The following ZNF211 variants were observed in gnomAD, a reference collection of about 807,000 sequenced individuals.
ZNF211 encodes zinc finger protein 211.
Under a neutral mutation model 12.1 loss-of-function variants are expected in ZNF211, and 18 were observed. The observed-to-expected ratio is 1.48, with a 90% confidence interval of 1.03 to 2.20. The LOEUF (loss-of-function observed/expected upper bound fraction) is 2.20, where lower values mean the gene tolerates loss of function less well. Among genes scored for constraint, ZNF211 ranks in the 30% most tolerant of loss-of-function variants. The probability of loss-of-function intolerance (pLI) is 0.00; values close to 1 mark genes in which losing one functional copy is unlikely to be tolerated. For synonymous variants in ZNF211, 249 were observed against 246.0 expected (o/e 1.01, Z -0.11); for missense variants, 677 against 703.1 (o/e 0.96, Z 0.42).
Position 57,641,493 on chromosome 19 carries a change from C to G in ZNF211, c.1046C>G (p.Thr349Ser). ...YSLNSHRKVH[T>S]GERPYECGEC... ...CTCAATAGCCATAGGAAAGTTCACA[C>G]TGGAGAAAGGCCTTATGAATGTGGG... The change falls in exon 4 of 4, where the codon ACT becomes AGT. Residue 349 changes from threonine (T) to serine (S), a missense_variant. Physicochemically the swap from Thr to Ser is moderately conservative, Grantham distance 58. Coordinates refer to ENST00000240731, the MANE Select transcript of ZNF211 (RefSeq NM_006385.5). 1 of 1,614,142 alleles carries G rather than the reference C, an allele frequency of 6.2e-7. No individual in the cohort carries two copies. Among genetic ancestry groups the G allele is most frequent in the South Asian group, 1.1e-5 (1 of 91,078 alleles).
chr19:57,636,734 A>G (rs1254381845), intron 3 of ZNF211, among the ~76,000 whole-genome samples: 1 of 152,066 alleles, frequency 6.6e-6, no homozygotes, highest in Non-Finnish European at 1.5e-5. Context: ...GGATTTTTTT[A>G]TTTCTGCAAA....
rs777707976 is a variant in ZNF211, at chr19:57,637,895, C to CT, written c.257-2791dup. Among the ~76,000 whole-genome samples, 916 of 131,588 alleles carry CT rather than the reference C, an allele frequency of 7.0e-3. 6 individuals are homozygous for CT. The highest frequency in any genetic ancestry group is 0.018 in the South Asian group (75 of 4,084). 86.3% of individuals were successfully genotyped at this position (131,588 alleles called of 152,430 possible). On this transcript the variant is annotated intron_variant, in intron 3 of 3. Transcript: ENST00000240731. ...TCAAGGGCTTTTCTTTAAGGTTTGT[C>CT]TTTTTTTTTTTTTTTTTTCTTGAGA... is the stretch of plus-strand genomic sequence containing the variant.
chr19:57,639,977 C>T, intron 3 of ZNF211: 1 of 1,535,974 alleles, frequency 6.5e-7, no homozygotes. Context: ...CTCTGTTCTT[C>T]ACAGGATGTT....
intron 3 of ZNF211, among the ~76,000 whole-genome samples, chr19:57,636,639 G>A (rs548895185): frequency 4.9e-4 from 74 of 152,286 alleles, no homozygotes; most frequent in African/African-American, 1.7e-3. Flanking sequence ...TTGAAATTAC[G>A]AACTGTGAGT....
At chr19:57,638,219 C>T (rs921700804) in intron 3 of ZNF211, among the ~76,000 whole-genome samples, 2 of 151,432 alleles carry the variant, frequency 1.3e-5, no homozygotes, top group African/African-American at 4.9e-5. Flanking sequence ...ATTTTGATAA[C>T]CTTTTCAAAG....
chr19:57,636,307 C>A (rs1196430807), intron 3 of ZNF211, among the ~76,000 whole-genome samples: 1 of 152,146 alleles, frequency 6.6e-6, no homozygotes, highest in Non-Finnish European at 1.5e-5. Context: ...TCCAAGGAAT[C>A]ATTAACAAGT....
chr19:57,639,894 G>A (rs1982657974), intron 3 of ZNF211: 1 of 1,527,812 alleles, frequency 6.5e-7, no homozygotes, highest in African/African-American at 1.4e-5. Context: ...TTGCTCACAT[G>A]TCCTGTCTTT....
chr19:57,641,826 A>C lies in ZNF211; in HGVS notation c.1379A>C (p.His460Pro). The C allele has an allele frequency of 6.2e-7, 1 of 1,614,134 alleles. No homozygotes were observed. Among genetic ancestry groups the C allele is most frequent in the Non-Finnish European group, 8.5e-7 (1 of 1,180,026 alleles). ...AGCTTCAGTTCACATCGGAAAGTCC[A>C]CACAGGGGAAAGGCCTTATGTGTGT... The part of the protein sequence containing the change: ...SSSFSSHRKV[H>P]TGERPYVCGE... The change falls in exon 4 of 4, where the codon CAC becomes CCC. Residue 460 changes from histidine (H) to proline (P), a missense_variant. Physicochemically the swap from His to Pro is moderately conservative, Grantham distance 77. Coordinates refer to ENST00000240731, the MANE Select transcript of ZNF211 (RefSeq NM_006385.5).
intron 1 of ZNF211, 161 bp downstream of exon 1, chr19:57,633,597 A>G (rs748758701): frequency 1.8e-4 from 274 of 1,525,222 alleles, no homozygotes; most frequent in Non-Finnish European, 2.3e-4. Flanking sequence ...GACAAGGGAC[A>G]GGACCGGCGC....
At position 57,633,345 on chromosome 19, in the gene ZNF211, C is replaced by T. The variant is rs370924466; in HGVS notation, c.-2C>T. On this transcript the variant is annotated 5_prime_UTR_variant, in exon 1 of 4. Coordinates refer to ENST00000240731, the MANE Select transcript of ZNF211 (RefSeq NM_006385.5). Reference sequence around the variant, plus strand: ...GCCCGCGAGGCCGGCCTGGGGATAGCGATGCTCGGGTTCCCCCCGGGTCGC... The same window carrying T: ...GCCCGCGAGGCCGGCCTGGGGATAGTGATGCTCGGGTTCCCCCCGGGTCGC... 1.4e-4 allele frequency: 229 copies of T among 1,585,132 alleles called. No individual in the cohort carries two copies. Among genetic ancestry groups the T allele is most frequent in the Non-Finnish European group, 1.8e-4 (211 of 1,169,282 alleles).
rs1012538471 is a variant in ZNF211 at position 57,633,346 on chromosome 19, G to A, written c.-1G>A. ...CCCGCGAGGCCGGCCTGGGGATAGCGATGCTCGGGTTCCCCCCGGGTCGCC... is the reference window on the plus strand; with the variant it reads ...CCCGCGAGGCCGGCCTGGGGATAGCAATGCTCGGGTTCCCCCCGGGTCGCC... On this transcript the variant is annotated 5_prime_UTR_variant, in exon 1 of 4. Coordinates refer to ENST00000240731, the MANE Select transcript of ZNF211 (RefSeq NM_006385.5). 3.2e-6 allele frequency: 5 copies of A among 1,586,772 alleles called. No homozygotes were observed. The African/African-American group carries it at 5.4e-5, about 17-fold the overall frequency.
At chr19:57,638,608 G>A (rs565198188) in intron 3 of ZNF211, among the ~76,000 whole-genome samples, 55 of 152,322 alleles carry the variant, frequency 3.6e-4, no homozygotes, top group Non-Finnish European at 7.1e-4. Context: ...TGTATGATGT[G>A]TGTCTAAATC....
In ZNF211 at chr19:57,640,945, C is replaced by T. The variant is rs760196306; in HGVS notation, c.498C>T (p.His166=). Reference sequence around the variant, plus strand: ...ACATCAGTGCAAATCTTCAACAGCACCAGAGGCAGCACATTACAGAGGCAC... The same window carrying T: ...ACATCAGTGCAAATCTTCAACAGCATCAGAGGCAGCACATTACAGAGGCAC... ...QFYISANLQQ[H]QRQHITEAPF... The change falls in exon 4 of 4, where the codon CAC becomes CAT. Residue 166 remains histidine (H), a synonymous_variant. Coordinates refer to ENST00000240731, the MANE Select transcript of ZNF211 (RefSeq NM_006385.5). 9 of 1,614,198 alleles carry T rather than the reference C, an allele frequency of 5.6e-6. No homozygotes were observed. The highest frequency in any genetic ancestry group is 1.1e-5 in the South Asian group (1 of 91,082).
At chr19:57,638,490 C>G (rs552680186) in intron 3 of ZNF211, among the ~76,000 whole-genome samples, 2 of 152,138 alleles carry the variant, frequency 1.3e-5, no homozygotes, top group African/African-American at 4.8e-5. Context: ...TCTTCATGGC[C>G]CCATTGGTTT....
chr19:57,634,666 C>G lies in ZNF211; in HGVS notation c.167C>G (p.Ser56Cys). The G allele has an allele frequency of 6.2e-7, 1 of 1,603,216 alleles. No individual in the cohort carries two copies. Among genetic ancestry groups the G allele is most frequent in the Non-Finnish European group, 8.5e-7 (1 of 1,173,994 alleles). The part of the protein sequence containing the change: ...VTFEDVAVYF[S>C]WEEWDLLDEA... The stretch of plus-strand genomic sequence containing the variant: ...TTTGAAGATGTGGCCGTGTACTTCT[C>G]CTGGGAGGAATGGGATCTCCTTGAT... The change falls in exon 3 of 4, where the codon TCC becomes TGC. Residue 56 changes from serine (S) to cysteine (C), a missense_variant. By Grantham distance (112) the Ser-to-Cys change is moderately radical. Coordinates refer to ENST00000240731, the MANE Select transcript of ZNF211 (RefSeq NM_006385.5).
At position 57,641,911 on chromosome 19, in the gene ZNF211, C is replaced by G; in HGVS notation, c.1464C>G (p.His488Gln). 6.2e-7 allele frequency: 1 copy of G among 1,614,202 alleles called. No homozygotes were observed. The highest frequency in any genetic ancestry group is 8.5e-7 in the Non-Finnish European group (1 of 1,180,036). The change falls in exon 4 of 4, where the codon CAC becomes CAG. Residue 488 changes from histidine to glutamine, a missense_variant. Coordinates refer to ENST00000240731, the MANE Select transcript of ZNF211 (RefSeq NM_006385.5). ...ACCTTAAGAACCACCAGAGAGTTCA[C>G]ACTGGAGAAAGACCTGTTGAGTGCA... Reference protein sequence around the residue: ...SSNLKNHQRVHTGERPVECSE... With the variant: ...SSNLKNHQRVQTGERPVECSE...
intron 3 of ZNF211, among the ~76,000 whole-genome samples, chr19:57,635,745 T>A (rs1982046705): frequency 6.6e-6 from 1 of 152,206 alleles, no homozygotes; most frequent in African/African-American, 2.4e-5. Flanking sequence ...CTTTTGGGTA[T>A]TGGCCCAAAA....
In ZNF211 at chr19:57,641,328, A is replaced by C. The variant is rs1982901101; in HGVS notation, c.881A>C (p.Glu294Ala). 6.2e-7 allele frequency: 1 copy of C among 1,614,078 alleles called. No individual in the cohort carries two copies. Among genetic ancestry groups the C allele is most frequent in the South Asian group, 1.1e-5 (1 of 91,090 alleles). ...ATTCAGCACCAGAAAGTCCACAGTG[A>C]AGAAAGGCCTTATGAATGCAATGAA... ...NLIQHQKVHS[E>A]ERPYECNECG... The change falls in exon 4 of 4, where the codon GAA becomes GCA. Residue 294 changes from glutamate to alanine, a missense_variant. Glu to Ala is a moderately radical substitution (Grantham distance 107). Transcript: ENST00000240731.
At position 57,633,448 on chromosome 19, in the gene ZNF211, G is replaced by A. The variant is rs764701761; in HGVS notation, c.90+12G>A. 3 of 1,590,042 alleles carry A rather than the reference G, an allele frequency of 1.9e-6. No individual in the cohort carries two copies. The highest frequency in any genetic ancestry group is 1.7e-5 in the Admixed American group (1 of 57,662). On this transcript the variant is annotated intron_variant, in intron 1 of 3. Transcript: ENST00000240731. ...GGGACCCGGCTTCGGTGAGCGCTGCGATCTCCGGGCCTCCCCCGGCCGAGA... is the reference window on the plus strand; with the variant it reads ...GGGACCCGGCTTCGGTGAGCGCTGCAATCTCCGGGCCTCCCCCGGCCGAGA...
Sources: allele counts gnomAD v4.1 joint callset (sites outside exome capture counted in the v4.1 genomes callset), GRCh38; gene constraint gnomAD v4.1.1; transcripts MANE v1.5; gene names NCBI Gene and HGNC (gene_info 2026-07-23, HGNC 2026-07-21).